SMAP1: variants seen among roughly 807,000 people sequenced by gnomAD.
SMAP1 encodes stromal membrane-associated protein 1.
A neutral mutation model predicts 58.5 loss-of-function variants in SMAP1; 24 were observed. The observed-to-expected ratio is 0.41, with a 90% confidence interval of 0.30 to 0.58. SMAP1 has a LOEUF of 0.58. SMAP1 is among the 20% of genes least tolerant of loss of function. The pLI is 0.29. For missense variants in SMAP1, 563 were observed against 566.3 expected (o/e 0.99, Z 0.06); for synonymous variants, 216 against 196.6 (o/e 1.10, Z -0.82).
intron 6 of SMAP1, among the ~76,000 whole-genome samples, chr6:70,805,347 C>A (rs1030260392): frequency 2.6e-5 from 4 of 152,140 alleles, no homozygotes; most frequent in African/African-American, 9.7e-5. Flanking sequence ...GCTTTCAGCT[C>A]CATCAGGTCA....
chr6:70,679,848 C>T (rs1210637131), intron 1 of SMAP1, among the ~76,000 whole-genome samples: 1 of 152,112 alleles, frequency 6.6e-6, no homozygotes, highest in East Asian at 1.9e-4. Context: ...CAGTCAGAAT[C>T]CCAGAAGGCT....
At chr6:70,856,172 G>A (rs1771413648) in intron 8 of SMAP1, among the ~76,000 whole-genome samples, 1 of 152,146 alleles carries the variant, frequency 6.6e-6, no homozygotes, top group Admixed American at 6.5e-5. Context: ...GATGATTAAG[G>A]TTAGCAGTTG....
At chr6:70,732,621 A>C (rs903316758) in intron 2 of SMAP1, 110 bp downstream of exon 2, 122 of 905,114 alleles carry the variant, frequency 1.3e-4, no homozygotes, top group Non-Finnish European at 1.7e-4. Flanking sequence ...TGTATGTTGA[A>C]ATGGCATATG....
chr6:70,799,212 T>A (rs1165717626), intron 6 of SMAP1, among the ~76,000 whole-genome samples: 1 of 152,062 alleles, frequency 6.6e-6, no homozygotes, highest in African/African-American at 2.4e-5. Context: ...TTTAGAAAAA[T>A]AGTGAATTTG....
chr6:70,859,416 G>A, intron 10 of SMAP1: 1 of 1,542,426 alleles, frequency 6.5e-7, no homozygotes. Flanking sequence ...TCCTTTAGTA[G>A]GTATGAAGAC....
At chr6:70,791,630 C>A in intron 4 of SMAP1, 59 bp from the exon 5 acceptor site, 1 of 1,418,082 alleles carries the variant, frequency 7.1e-7, no homozygotes, top group African/African-American at 1.4e-5. Flanking sequence ...CTGTGCCTGT[C>A]AATTCTCATT....
At chr6:70,746,543 GC>G (rs1338719518) in intron 2 of SMAP1, among the ~76,000 whole-genome samples, 1 of 152,166 alleles carries the variant, frequency 6.6e-6, no homozygotes, top group African/African-American at 2.4e-5. Flanking sequence ...TGGTGGATAA[GC>G]TTTTTGATGT....
chr6:70,745,490 G>A (rs941374313), intron 2 of SMAP1, among the ~76,000 whole-genome samples: 3 of 152,190 alleles, frequency 2.0e-5, no homozygotes, highest in Admixed American at 6.5e-5. Flanking sequence ...TTGTAGATGT[G>A]TGGTGTTATT....
intron 2 of SMAP1, among the ~76,000 whole-genome samples, chr6:70,748,221 A>C (rs1304962045): frequency 6.6e-6 from 1 of 152,188 alleles, no homozygotes; most frequent in Non-Finnish European, 1.5e-5. Flanking sequence ...TACTGCCATG[A>C]AGAATTTATC....
intron 1 of SMAP1, among the ~76,000 whole-genome samples, chr6:70,702,611 C>T (rs1195994168): frequency 1.3e-5 from 2 of 151,878 alleles, no homozygotes; most frequent in Non-Finnish European, 2.9e-5. Context: ...TTCACATGTT[C>T]AGCCTTTCTT....
chr6:70,777,774 A>T (rs1767605362), intron 4 of SMAP1, among the ~76,000 whole-genome samples: 1 of 148,348 alleles, frequency 6.7e-6, no homozygotes. Flanking sequence ...TTTTTTTGAG[A>T]TGGAGTCCCC....
At position 70,773,330 on chromosome 6, in the gene SMAP1, C is replaced by T. The variant is rs1767404839; in HGVS notation, c.339-20C>T. 6.8e-7 allele frequency: 1 copy of T among 1,472,492 alleles called. No individual in the cohort carries two copies. Among genetic ancestry groups the T allele is most frequent in the Non-Finnish European group, 9.4e-7 (1 of 1,064,114 alleles). The allele number at this position is 1,472,492 out of a possible 1,614,324, so 91.2% of individuals were successfully genotyped here. A position where few individuals can be genotyped will look rare whatever the true frequency, so the allele number is the denominator to read the frequency against. On this transcript the variant is annotated intron_variant, in intron 3 of 10. Coordinates refer to ENST00000370455, the MANE Select transcript of SMAP1 (RefSeq NM_001044305.3). Reference sequence around the variant, plus strand: ...ACATATCACTGAATTCATGCTTTTCCTTAAGTTATCTGTTTTCAGAGCAGT... The same window carrying T: ...ACATATCACTGAATTCATGCTTTTCTTTAAGTTATCTGTTTTCAGAGCAGT...
chr6:70,829,615 C>T, intron 6 of SMAP1, among the ~76,000 whole-genome samples: 1 of 152,092 alleles, frequency 6.6e-6, no homozygotes, highest in Non-Finnish European at 1.5e-5. Context: ...CAAATCATGT[C>T]ATTTAATTTC....
intron 7 of SMAP1, among the ~76,000 whole-genome samples, chr6:70,844,192 A>G: frequency 6.6e-6 from 1 of 152,132 alleles, no homozygotes; most frequent in Admixed American, 6.5e-5. Flanking sequence ...ATATTTATAT[A>G]TTTCTTATTT....
At chr6:70,703,492 G>A (rs538025223) in intron 1 of SMAP1, among the ~76,000 whole-genome samples, 1 of 152,246 alleles carries the variant, frequency 6.6e-6, no homozygotes, top group Admixed American at 6.5e-5. Context: ...GAAATAGCCT[G>A]ACTTTTTCAG....
intron 1 of SMAP1, among the ~76,000 whole-genome samples, chr6:70,671,859 G>A (rs929504873): frequency 6.6e-6 from 1 of 152,108 alleles, no homozygotes. Flanking sequence ...CAATTTATCC[G>A]TCTATTGATG....
At chr6:70,721,525 C>T (rs565486488) in intron 1 of SMAP1, among the ~76,000 whole-genome samples, 47 of 152,208 alleles carry the variant, frequency 3.1e-4, no homozygotes, top group Non-Finnish European at 5.6e-4. Flanking sequence ...TCTGAGCCTT[C>T]CAAACTGTCC....
chr6:70,749,481 A>T (rs776379835), intron 2 of SMAP1, among the ~76,000 whole-genome samples: 1 of 152,188 alleles, frequency 6.6e-6, no homozygotes, highest in African/African-American at 2.4e-5. Context: ...TTAAGATTTG[A>T]CTATTTTAAC....
chr6:70,704,457 C>G (rs1767757319), intron 1 of SMAP1, among the ~76,000 whole-genome samples: 1 of 151,400 alleles, frequency 6.6e-6, no homozygotes, highest in Non-Finnish European at 1.5e-5. Flanking sequence ...ATTTTTTTTT[C>G]AAGTCAAATT....
Sources: allele counts gnomAD v4.1 joint callset (sites outside exome capture counted in the v4.1 genomes callset), GRCh38; gene constraint gnomAD v4.1.1; transcripts MANE v1.5; gene names NCBI Gene and HGNC (gene_info 2026-07-23, HGNC 2026-07-21).